CALN1: variants seen among roughly 807,000 people sequenced by gnomAD.
CALN1 encodes the protein calcium-binding protein 8.
Under a neutral mutation model 30.6 loss-of-function variants are expected in CALN1, and 17 were observed. The ratio of observed to expected loss-of-function variants is 0.56; its 90% confidence interval spans 0.38 to 0.83. CALN1 has a LOEUF of 0.83. Among genes scored for constraint, CALN1 ranks in the 40% least tolerant of loss-of-function variants. CALN1 has a pLI of 0.00. For synonymous variants in CALN1, 156 were observed against 131.4 expected (o/e 1.19, Z -1.28); for missense variants, 291 against 354.9 (o/e 0.82, Z 1.45).
intron 2 of CALN1, among the ~76,000 whole-genome samples, chr7:72,369,543 T>TA (rs1265222391): frequency 1.4e-4 from 21 of 152,090 alleles, no homozygotes; most frequent in African/African-American, 5.1e-4. Flanking sequence ...GTATTTTTAG[T>TA]AGAGACGGGG....
At chr7:72,164,017 G>A (rs773227969) in intron 3 of CALN1, among the ~76,000 whole-genome samples, 2 of 152,104 alleles carry the variant, frequency 1.3e-5, no homozygotes, top group Non-Finnish European at 2.9e-5. Flanking sequence ...ACATTAAAGA[G>A]AGAGAAAAAA....
intron 5 of CALN1, among the ~76,000 whole-genome samples, 191 bp from the exon 6 acceptor site, chr7:71,810,683 T>C (rs1031422017): frequency 1.3e-5 from 2 of 152,064 alleles, no homozygotes; most frequent in African/African-American, 4.8e-5. Flanking sequence ...ATTGGAATGA[T>C]AGAGAGTGGA....
At chr7:72,445,459 C>A (rs1808499918) in intron 1 of CALN1, among the ~76,000 whole-genome samples, 1 of 152,140 alleles carries the variant, frequency 6.6e-6, no homozygotes, top group Non-Finnish European at 1.5e-5. Flanking sequence ...CCTCCAACGC[C>A]ACCCTCCCCA....
At chr7:72,314,364 T>TACATATATATAC (rs144343177) in intron 2 of CALN1, among the ~76,000 whole-genome samples, 39,009 of 116,720 alleles carry the variant, frequency 0.33, 6,324 homozygotes, top group Non-Finnish European at 0.37. Context: ...TATATACATA[T>TACATATATATAC]ACATATATAC....
upstream of CALN1, among the ~76,000 whole-genome samples, chr7:72,416,163 A>T (rs909906844): frequency 6.6e-6 from 1 of 152,208 alleles, no homozygotes; most frequent in African/African-American, 2.4e-5. Context: ...TCCGTGAGAC[A>T]CACCCACCAG....
At chr7:72,278,583 C>T (rs1797517161) in intron 3 of CALN1, 103 bp downstream of exon 3, 1 of 1,499,014 alleles carries the variant, frequency 6.7e-7, no homozygotes, top group Non-Finnish European at 9.1e-7. Context: ...GCCACAACTG[C>T]CAAGGAGTGG....
chr7:71,821,361 GA>G (rs1301473596), intron 5 of CALN1, among the ~76,000 whole-genome samples: 5 of 152,252 alleles, frequency 3.3e-5, no homozygotes, highest in East Asian at 1.9e-4. Context: ...TTATGAAGAA[GA>G]AGAAGTTTAA....
intron 3 of CALN1, among the ~76,000 whole-genome samples, chr7:72,147,129 A>G (rs1786814165): frequency 6.6e-6 from 1 of 152,224 alleles, no homozygotes; most frequent in Non-Finnish European, 1.5e-5. Context: ...GGATCTAATT[A>G]AACTCAAGAG....
chr7:72,373,839 T>A (rs1346228142), intron 2 of CALN1, among the ~76,000 whole-genome samples: 1 of 152,210 alleles, frequency 6.6e-6, no homozygotes, highest in African/African-American at 2.4e-5. Flanking sequence ...TGATGAGAAT[T>A]AAGATAGAAA....
At chr7:72,463,113 T>A in the CALN1 span, among the ~76,000 whole-genome samples, 1 of 151,824 alleles carries the variant, frequency 6.6e-6, no homozygotes, top group Non-Finnish European at 1.5e-5. Context: ...TGCTTTGCAT[T>A]TTTATTTATT....
upstream of CALN1, among the ~76,000 whole-genome samples, chr7:72,413,530 C>T (rs551689388): frequency 7.0e-4 from 106 of 151,888 alleles, no homozygotes; most frequent in Non-Finnish European, 1.3e-3. Context: ...CTCATAAACA[C>T]GCACACTCAC....
chr7:71,894,457 G>C (rs190623475), intron 5 of CALN1, among the ~76,000 whole-genome samples: 3 of 152,254 alleles, frequency 2.0e-5, no homozygotes, highest in African/African-American at 4.8e-5. Flanking sequence ...TGTAGAGACG[G>C]AGTCTCGTTA....
chr7:71,831,897 A>AC (rs1789308544), intron 5 of CALN1, among the ~76,000 whole-genome samples: 2 of 107,768 alleles, frequency 1.9e-5, no homozygotes, highest in South Asian at 7.3e-4. Flanking sequence ...AAAAAAAAAA[A>AC]CAAACCAAAA....
intron 6 of CALN1, among the ~76,000 whole-genome samples, chr7:71,790,427 GC>G (rs1456344999): frequency 4.5e-4 from 68 of 149,682 alleles, no homozygotes; most frequent in African/African-American, 1.5e-3. Context: ...AAAGAAAGAA[GC>G]AAGCAAGCAA....
intron 2 of CALN1, among the ~76,000 whole-genome samples, chr7:72,286,022 AC>A (rs1273228521): frequency 1.3e-5 from 2 of 152,210 alleles, no homozygotes; most frequent in African/African-American, 2.4e-5. Flanking sequence ...TCTCAACACC[AC>A]CAATGCCAGA....
intron 4 of CALN1, among the ~76,000 whole-genome samples, chr7:72,030,960 C>T (rs1212157101): frequency 6.6e-6 from 1 of 152,130 alleles, no homozygotes. Context: ...GTTGCCCAGG[C>T]TGGCCTCAAG....
rs1434967247 is a variant in CALN1 at position 72,406,579 on chromosome 7, G to A, written c.-73-3137C>T. 2.6e-5 allele frequency among the ~76,000 whole-genome samples: 4 copies of A among 151,364 alleles called. No individual in the cohort carries two copies. In the South Asian group the frequency reaches 8.3e-4, roughly 32 times the overall value. ...CCCCAGTCTTGAAGTTAGATCTCTGGGCTAATTCCTAGACCCACATGAGGG... is the reference window on the plus strand; with the variant it reads ...CCCCAGTCTTGAAGTTAGATCTCTGAGCTAATTCCTAGACCCACATGAGGG... On this transcript the variant is annotated intron_variant, in intron 1 of 6. Coordinates refer to ENST00000395275, the MANE Select transcript of CALN1 (RefSeq NM_031468.4).
chr7:72,107,275 TAGG>T (rs1261357366), intron 3 of CALN1, among the ~76,000 whole-genome samples: 13 of 152,206 alleles, frequency 8.5e-5, no homozygotes, highest in Non-Finnish European at 1.6e-4. Context: ...CCTGCTGCTG[TAGG>T]AGCTGTGCAG....
intron 5 of CALN1, among the ~76,000 whole-genome samples, chr7:72,011,485 T>TG (rs1421051468): frequency 6.6e-6 from 1 of 152,192 alleles, no homozygotes; most frequent in African/African-American, 2.4e-5. Context: ...GGAAGACCCC[T>TG]GTTCCCTCTC....
Sources: gnomAD v4.1 joint callset for allele counts (sites outside exome capture counted in the v4.1 genomes callset) on GRCh38, gnomAD v4.1.1 for gene constraint, MANE v1.5 for transcripts, NCBI Gene and HGNC (gene_info 2026-07-23, HGNC 2026-07-21) for gene names.